Variants in RASSF8 observed in about 807,000 individuals in gnomAD.
RASSF8 encodes the protein Ras association domain family member 8.
RASSF8 carries 22 observed loss-of-function variants against 48.5 expected under a neutral mutation model. That is an observed-to-expected ratio of 0.45 (90% CI 0.32 to 0.65). The LOEUF (loss-of-function observed/expected upper bound fraction) is 0.65, where lower values mean the gene tolerates loss of function less well. Ranked by LOEUF, RASSF8 falls within the 30% of genes least tolerant of loss-of-function variation. RASSF8 has a pLI of 0.03. For synonymous variants in RASSF8, 127 were observed against 171.5 expected (o/e 0.74, Z 2.03); for missense variants, 418 against 489.2 (o/e 0.85, Z 1.37).
intron 2 of RASSF8, among the ~76,000 whole-genome samples, chr12:26,022,826 C>G (rs1268281326): frequency 6.6e-6 from 1 of 152,018 alleles, no homozygotes; most frequent in Non-Finnish European, 1.5e-5. Flanking sequence ...ACTGCAACTT[C>G]CGCCTCCCGG....
chr12:26,052,271 A>C (rs1202653291), intron 2 of RASSF8, among the ~76,000 whole-genome samples: 1 of 152,216 alleles, frequency 6.6e-6, no homozygotes, highest in Non-Finnish European at 1.5e-5. Context: ...ATTGATCTTG[A>C]GGTAATATGT....
In RASSF8 at chr12:26,055,528, A is replaced by G. The variant is rs1943583434; in HGVS notation, c.103+82A>G. 5 of 1,219,494 alleles carry G rather than the reference A, an allele frequency of 4.1e-6. No homozygotes were observed. The African/African-American group carries it at 6.0e-5, about 15-fold the overall frequency. 75.5% of individuals were successfully genotyped at this position (1,219,494 alleles called of 1,614,324 possible). ...GTGTTTGTTTTAAATATAGATTTCT[A>G]GGGGATTTTGTTCATTTGGTTCCAT... is the stretch of plus-strand genomic sequence containing the variant. On this transcript the variant is annotated intron_variant, in intron 3 of 5. Coordinates refer to ENST00000689635, the MANE Select transcript of RASSF8 (RefSeq NM_001394098.1).
At chr12:26,067,497 A>T in intron 4 of RASSF8, 72 bp from the exon 5 acceptor site, 1 of 1,434,972 alleles carries the variant, frequency 7.0e-7, no homozygotes, top group Non-Finnish European at 9.5e-7. Context: ...TAGCAGATGG[A>T]TCCTCACAAA....
At chr12:25,982,912 G>C (rs1411439667) in intron 1 of RASSF8, among the ~76,000 whole-genome samples, 1 of 152,156 alleles carries the variant, frequency 6.6e-6, no homozygotes, top group Admixed American at 6.5e-5. Context: ...AGACCTATAG[G>C]TGGTCCAAAG....
intron 2 of RASSF8, among the ~76,000 whole-genome samples, chr12:26,047,980 G>A (rs145004788): frequency 1.4e-4 from 22 of 152,210 alleles, no homozygotes; most frequent in African/African-American, 4.8e-4. Flanking sequence ...GGCAGATGCC[G>A]TAAGGGTCCA....
intron 1 of RASSF8, among the ~76,000 whole-genome samples, chr12:25,983,573 A>G (rs2136917084): frequency 6.6e-6 from 1 of 152,340 alleles, no homozygotes; most frequent in Middle Eastern, 3.4e-3. Flanking sequence ...AAATTTTATA[A>G]ACTGCAATGG....
intron 3 of RASSF8, among the ~76,000 whole-genome samples, chr12:26,063,918 G>A (rs774229476): frequency 2.6e-5 from 4 of 152,102 alleles, no homozygotes; most frequent in Non-Finnish European, 4.4e-5. Context: ...GGTTGGTGGA[G>A]CACTCAGGTG....
chr12:26,038,545 T>G (rs758108610), intron 2 of RASSF8, among the ~76,000 whole-genome samples: 1 of 152,028 alleles, frequency 6.6e-6, no homozygotes, highest in Non-Finnish European at 1.5e-5. Context: ...TATAACCTAC[T>G]CTTTAATTCC....
At chr12:26,075,836 G>A (rs997277005), downstream of RASSF8, among the ~76,000 whole-genome samples, 1 of 152,028 alleles carries the variant, frequency 6.6e-6, no homozygotes, top group African/African-American at 2.4e-5. Flanking sequence ...GGAGGAGTGC[G>A]GCATGTACAC....
intron 2 of RASSF8, among the ~76,000 whole-genome samples, chr12:26,007,637 C>T (rs2137008118): frequency 6.6e-6 from 1 of 152,238 alleles, no homozygotes; most frequent in South Asian, 2.1e-4. Context: ...GTAGCCTCTG[C>T]AAAGCCCAGA....
intron 1 of RASSF8, among the ~76,000 whole-genome samples, chr12:25,991,421 T>C (rs1246385018): frequency 6.6e-6 from 1 of 152,094 alleles, no homozygotes; most frequent in Admixed American, 6.5e-5. Context: ...TTTTTTTTTT[T>C]CTTTTTTTGA....
At chr12:26,040,125 C>CT (rs776311213) in intron 2 of RASSF8, among the ~76,000 whole-genome samples, 30 of 151,970 alleles carry the variant, frequency 2.0e-4, no homozygotes, top group Non-Finnish European at 3.5e-4. Context: ...TTTTAATAAT[C>CT]TTTTTTTGCC....
intron 1 of RASSF8, among the ~76,000 whole-genome samples, chr12:25,970,740 T>C (rs1245354032): frequency 6.6e-6 from 1 of 152,212 alleles, no homozygotes; most frequent in Non-Finnish European, 1.5e-5. Context: ...CCTGCCTTAC[T>C]GCTTGTCTGC....
At chr12:25,983,424 A>T (rs942792789) in intron 1 of RASSF8, among the ~76,000 whole-genome samples, 1 of 152,218 alleles carries the variant, frequency 6.6e-6, no homozygotes, top group African/African-American at 2.4e-5. Flanking sequence ...ACACATGTGT[A>T]TGCATATGAT....
In RASSF8 at chr12:26,012,837, C is replaced by T. The variant is rs541041272; in HGVS notation, c.-109+17707C>T. ...TTGGGACCACAGGCCACCATGCCCACGTAATTTTTAAATTTTTTTGTAAAG... is the reference window on the plus strand; with the variant it reads ...TTGGGACCACAGGCCACCATGCCCATGTAATTTTTAAATTTTTTTGTAAAG... On this transcript the variant is annotated intron_variant, in intron 2 of 5. Transcript: ENST00000689635. 1.1e-3 allele frequency among the ~76,000 whole-genome samples: 161 copies of T among 151,880 alleles called. 1 individual carries two copies. Among genetic ancestry groups the T allele is most frequent in the Non-Finnish European group, 1.5e-3 (103 of 67,928 alleles).
At chr12:26,056,417 A>C (rs1943604091) in intron 3 of RASSF8, among the ~76,000 whole-genome samples, 1 of 152,218 alleles carries the variant, frequency 6.6e-6, no homozygotes, top group Non-Finnish European at 1.5e-5. Flanking sequence ...TCATTTAACA[A>C]ACATGTACTA....
At chr12:25,958,677 A>G (rs1941141392), upstream of RASSF8, 1 of 144,114 alleles carries the variant, frequency 6.9e-6, no homozygotes, top group Non-Finnish European at 1.5e-5. Context: ...CCCGGCCCCC[A>G]GCCCAGAGGC....
At chr12:25,989,745 C>T (rs1464163555) in intron 1 of RASSF8, among the ~76,000 whole-genome samples, 2 of 152,158 alleles carry the variant, frequency 1.3e-5, no homozygotes, top group African/African-American at 4.8e-5. Flanking sequence ...ATTTCAATTC[C>T]TTATGGTTTA....
intron 2 of RASSF8, among the ~76,000 whole-genome samples, chr12:26,001,491 C>T (rs1290076014): frequency 6.6e-6 from 1 of 152,080 alleles, no homozygotes; most frequent in Non-Finnish European, 1.5e-5. Flanking sequence ...AATACAAATA[C>T]ATTGTACAGC....
Sources: allele counts gnomAD v4.1 joint callset (sites outside exome capture counted in the v4.1 genomes callset), GRCh38; gene constraint gnomAD v4.1.1; transcripts MANE v1.5; gene names NCBI Gene and HGNC (gene_info 2026-07-23, HGNC 2026-07-21).